Variants in OGG1 observed in about 807,000 individuals in gnomAD.
OGG1 encodes 8-oxoguanine DNA glycosylase, also known as N-glycosylase/DNA lyase.
A neutral mutation model predicts 42.3 loss-of-function variants in OGG1; 35 were observed. The observed-to-expected ratio is 0.83, with a 90% CI of 0.63 to 1.10. The LOEUF is 1.10. Among genes scored for constraint, OGG1 ranks in the 50% least tolerant of loss-of-function variants. The probability of loss-of-function intolerance (pLI) is 0.00; values close to 1 mark genes in which losing one functional copy is unlikely to be tolerated. For synonymous variants in OGG1, 189 were observed against 179.0 expected (o/e 1.06, Z -0.44); for missense variants, 484 against 446.7 (o/e 1.08, Z -0.75).
chr3:9,761,345 AGGAAGGGAGGGAG>A, downstream of OGG1: 2 of 1,026,904 alleles, frequency 1.9e-6, no homozygotes, highest in South Asian at 1.6e-5. Flanking sequence ...GATTGGTGGA[AGGAAGGGAGGGAG>A]GGAAGGAAGG....
At chr3:9,789,058 A>G (rs2078680339), downstream of OGG1, among the ~76,000 whole-genome samples, 1 of 152,028 alleles carries the variant, frequency 6.6e-6, no homozygotes, top group African/African-American at 2.4e-5. Context: ...CTGGTCTCAA[A>G]TTCCTGAGCT....
downstream of OGG1, among the ~76,000 whole-genome samples, chr3:9,788,698 C>T (rs969635734): frequency 1.3e-5 from 2 of 151,912 alleles, no homozygotes; most frequent in Non-Finnish European, 2.9e-5. Flanking sequence ...TGCCACCGTG[C>T]CAGGCTAATT....
At chr3:9,781,460 A>C (rs1227865621) in intron 2 of OGG1, 2 of 447,516 alleles carry the variant, frequency 4.5e-6, no homozygotes, top group Non-Finnish European at 9.1e-6. Context: ...AGTGAGGGGG[A>C]GATCTGGAGC....
chr3:9,756,395 G>T, intron 4 of OGG1, 76 bp from the exon 5 acceptor site: 6 of 1,484,492 alleles, frequency 4.0e-6, no homozygotes, highest in Non-Finnish European at 3.8e-6. Flanking sequence ...GAAAGCAGCC[G>T]GCTTTGGGGC....
At position 9,764,381 on chromosome 3, in the gene OGG1, T is replaced by A. The variant is rs190018254; in HGVS notation, c.1049-1428T>A. Among the ~76,000 whole-genome samples the A allele has an allele frequency of 1.7e-3, 258 of 152,228 alleles. 3 individuals are homozygous for A. The highest frequency in any genetic ancestry group is 0.011 in the Admixed American group (163 of 15,284). On this transcript the variant is annotated intron_variant, in intron 7 of 7. Transcript: ENST00000302008. ...AGGCTGGAGTGCAATGGCATGATCT[T>A]GGCTCATCACAATTTCTGCCTCCTG...
At chr3:9,786,966 C>CA in intron 3 of OGG1, 2 of 1,551,502 alleles carry the variant, frequency 1.3e-6, no homozygotes, top group Non-Finnish European at 1.8e-6. Context: ...CATTAAAACA[C>CA]AAAGTAAATA....
chr3:9,759,202 A>G (rs772324915), downstream of OGG1: 7 of 1,613,854 alleles, frequency 4.3e-6, no homozygotes, highest in Admixed American at 1.2e-4. Flanking sequence ...TCAGGTCATC[A>G]CCACTTTTAT....
exon 4 of OGG1, chr3:9,787,827 G>C (rs1426762476): frequency 1.7e-5 from 13 of 751,262 alleles, no homozygotes; most frequent in Admixed American, 4.8e-5. Context: ...TGGGGAATCT[G>C]AAAGAGTGCT....
At chr3:9,789,155 A>C (rs546647183), downstream of OGG1, among the ~76,000 whole-genome samples, 14 of 152,298 alleles carry the variant, frequency 9.2e-5, no homozygotes, top group South Asian at 2.3e-3. Context: ...TATCTTAAAG[A>C]AAGAAGAAAG....
At position 9,776,388 on chromosome 3, in the gene OGG1, CTTTTTTTTT is replaced by C. The variant is rs57504240; in HGVS notation, c.295-5114_295-5106del. On this transcript the variant is annotated intron_variant, in intron 2 of 3. Transcript: ENST00000426518. Reference sequence around the variant, plus strand: ...AGTCTTCTTTTTTCTTTTTTCTTTTCTTTTTTTTTTTTTTTTTTTGAGATGAAGTCTCGC... The same window carrying C: ...AGTCTTCTTTTTTCTTTTTTCTTTTCTTTTTTTTTTGAGATGAAGTCTCGC... 1.5e-4 allele frequency among the ~76,000 whole-genome samples: 18 copies of C among 121,122 alleles called. No individual in the cohort carries two copies. The East Asian group carries it at 2.9e-3, about 19-fold the overall frequency. The allele number at this position is 121,122 out of a possible 152,430, so 79.5% of individuals were successfully genotyped here. A position where few individuals can be genotyped will look rare whatever the true frequency, so the allele number is the denominator to read the frequency against.
intron 4 of OGG1, among the ~76,000 whole-genome samples, chr3:9,755,701 C>G (rs1035867741): frequency 6.6e-6 from 1 of 151,374 alleles, no homozygotes; most frequent in African/African-American, 2.4e-5. Context: ...ACCTCGAGAT[C>G]CACCTGCCTC....
chr3:9,761,642 G>A (rs752480324), downstream of OGG1: 16 of 1,614,100 alleles, frequency 9.9e-6, no homozygotes, highest in Middle Eastern at 1.6e-4. Context: ...CACGTATCCC[G>A]GAGTTCCACA....
downstream of OGG1, chr3:9,759,702 A>G (rs200157460): frequency 3.0e-5 from 48 of 1,614,146 alleles, no homozygotes; most frequent in Admixed American, 1.5e-4. Context: ...CTCACAGGTG[A>G]ATCTTTTCTC....
At chr3:9,768,207 C>T (rs2078208176), downstream of OGG1, among the ~76,000 whole-genome samples, 1 of 152,212 alleles carries the variant, frequency 6.6e-6, no homozygotes, top group Non-Finnish European at 1.5e-5. Context: ...GTCTCCTTTC[C>T]CTCCTCCTTC....
intron 2 of OGG1, among the ~76,000 whole-genome samples, chr3:9,778,766 G>C (rs1441726918): frequency 6.6e-6 from 1 of 152,174 alleles, no homozygotes; most frequent in African/African-American, 2.4e-5. Flanking sequence ...ATTGTGGCTA[G>C]AGGGATTGGC....
chr3:9,761,402 G>A (rs762195493), downstream of OGG1: 55 of 1,542,778 alleles, frequency 3.6e-5, no homozygotes, highest in Non-Finnish European at 4.5e-5. Flanking sequence ...AGGAAGAGAG[G>A]AAAGTAGGCG....
At chr3:9,764,741 T>G (rs2078071592) in intron 7 of OGG1, among the ~76,000 whole-genome samples, 1 of 148,640 alleles carries the variant, frequency 6.7e-6, no homozygotes, top group Non-Finnish European at 1.5e-5. Context: ...TAAGCAATTC[T>G]CCTGCCTCAG....
chr3:9,767,815 A>T (rs1035498295), downstream of OGG1: 10 of 1,593,344 alleles, frequency 6.3e-6, no homozygotes, highest in Non-Finnish European at 8.6e-6. Flanking sequence ...GACTCAGCAG[A>T]GCCCAGCCCT....
At chr3:9,761,310 A>T, downstream of OGG1, 1 of 758,916 alleles carries the variant, frequency 1.3e-6, no homozygotes, top group Non-Finnish European at 2.1e-6. Flanking sequence ...CATAGTATCT[A>T]TTGAATGAAG....
Sources: gnomAD v4.1 joint callset for allele counts (sites outside exome capture counted in the v4.1 genomes callset) on GRCh38, gnomAD v4.1.1 for gene constraint, MANE v1.5 for transcripts, NCBI Gene and HGNC (gene_info 2026-07-23, HGNC 2026-07-21) for gene names.